NIPSNAP1: variants seen among roughly 807,000 people sequenced by gnomAD.
NIPSNAP1 encodes protein NipSnap homolog 1.
In NIPSNAP1, 25 loss-of-function variants were observed where a neutral mutation model predicts 49.2. The ratio of observed to expected loss-of-function variants is 0.51; its 90% CI spans 0.37 to 0.71. NIPSNAP1 has a LOEUF of 0.71. Among genes scored for constraint, NIPSNAP1 ranks in the 30% least tolerant of loss-of-function variants. The pLI is 0.00. For synonymous variants in NIPSNAP1, 143 were observed against 140.7 expected (o/e 1.02, Z -0.12); for missense variants, 294 against 361.0 (o/e 0.81, Z 1.50).
rs559951116 is a variant in NIPSNAP1, at chr22:29,578,998, T to C, written c.98+1987A>G. On this transcript the variant is annotated intron_variant, in intron 1 of 9. Transcript: ENST00000216121. ...CATTATGTGGGTCACATGCAGAAAT[T>C]GCTTGAAACATAGGCTAGGGGTTAA... Among the ~76,000 whole-genome samples the C allele has an allele frequency of 5.3e-5, 8 of 151,428 alleles. 1 individual carries two copies. The highest frequency in any genetic ancestry group is 2.0e-4 in the African/African-American group (8 of 40,734).
At chr22:29,556,046 A>G in intron 9 of NIPSNAP1, 47 bp from the exon 10 acceptor site, 2 of 1,516,416 alleles carry the variant, frequency 1.3e-6, no homozygotes, top group Non-Finnish European at 1.8e-6. Context: ...CAAGCAAGCC[A>G]ACAACCTCCC....
intron 4 of NIPSNAP1, among the ~76,000 whole-genome samples, chr22:29,562,821 C>T (rs571795262): frequency 7.2e-5 from 11 of 152,192 alleles, no homozygotes; most frequent in African/African-American, 2.2e-4. Flanking sequence ...AATCCTGGGC[C>T]GGGCACGGTG....
chr22:29,561,189 A>C lies in NIPSNAP1; in HGVS notation c.593T>G (p.Ile198Ser). The C allele has an allele frequency of 1.2e-6, 2 of 1,613,544 alleles. No individual in the cohort carries two copies. Among genetic ancestry groups the C allele is most frequent in the Non-Finnish European group, 1.7e-6 (2 of 1,179,764 alleles). The part of the protein sequence containing the change: ...RTYKLKPGTM[I>S]EWGNNWARAI... ...CACTTACCAGTTGTTCCCCCACTCG[A>C]TCATGGTTCCTGGCTGAAAGAGAAC... is the stretch of plus-strand genomic sequence containing the variant. The change falls in exon 7 of 10, where the codon ATC becomes AGC. Residue 198 changes from isoleucine (I) to serine (S), a missense_variant. By Grantham distance (142) the Ile-to-Ser change is moderately radical. This residue lies in a region of NIPSNAP1 where 146 missense variants were observed against 219.9 expected (regional missense o/e 0.66). Coordinates refer to ENST00000216121, the MANE Select transcript of NIPSNAP1 (RefSeq NM_003634.4).
intron 6 of NIPSNAP1, 133 bp downstream of exon 6, chr22:29,561,373 G>T: frequency 6.9e-7 from 1 of 1,453,472 alleles, no homozygotes; most frequent in Non-Finnish European, 9.6e-7. Flanking sequence ...TTGCACACAT[G>T]TGTATACAAC....
At position 29,555,892 on chromosome 22, in the gene NIPSNAP1, T is replaced by C; in HGVS notation, c.*43A>G. The stretch of plus-strand genomic sequence containing the variant: ...CCAGGAGTGCCACTGTCTGTCGGGG[T>C]TGCCTGAGGGAGAAGGGGAAGGAGG... On this transcript the variant is annotated 3_prime_UTR_variant, in exon 10 of 10. Transcript: ENST00000216121. The C allele has an allele frequency of 6.5e-7, 1 of 1,533,848 alleles. No individual in the cohort carries two copies. Among genetic ancestry groups the C allele is most frequent in the Non-Finnish European group, 8.8e-7 (1 of 1,130,878 alleles).
chr22:29,580,129 A>G, intron 1 of NIPSNAP1: 1 of 1,304,176 alleles, frequency 7.7e-7, no homozygotes, highest in Non-Finnish European at 1.0e-6. Flanking sequence ...GACCATACAC[A>G]GTCCTGAGCC....
At chr22:29,567,662 G>T (rs2064377054) in intron 4 of NIPSNAP1, among the ~76,000 whole-genome samples, 1 of 151,890 alleles carries the variant, frequency 6.6e-6, no homozygotes, top group Admixed American at 6.6e-5. Context: ...AGACCACCCT[G>T]GGTAACATAG....
At chr22:29,576,559 A>C (rs944548698) in intron 1 of NIPSNAP1, among the ~76,000 whole-genome samples, 4 of 151,332 alleles carry the variant, frequency 2.6e-5, no homozygotes, top group Non-Finnish European at 5.9e-5. Flanking sequence ...CAAGTTTGAG[A>C]AATGAATGAA....
intron 1 of NIPSNAP1, 149 bp downstream of exon 1, chr22:29,580,836 A>C: frequency 1.6e-6 from 1 of 636,162 alleles, no homozygotes. Context: ...TTCTTTGCCC[A>C]GACCCCTCCC....
chr22:29,564,541 G>A (rs899276132), intron 4 of NIPSNAP1, among the ~76,000 whole-genome samples: 34 of 152,100 alleles, frequency 2.2e-4, no homozygotes, highest in Non-Finnish European at 3.4e-4. Flanking sequence ...TGCCTCCCAA[G>A]TAGCTGGGAT....
chr22:29,559,269 G>A (rs575553281), intron 8 of NIPSNAP1, among the ~76,000 whole-genome samples: 29 of 152,240 alleles, frequency 1.9e-4, no homozygotes, highest in Non-Finnish European at 2.8e-4. Flanking sequence ...GGCTAGGTGC[G>A]GTGGCTCATG....
chr22:29,561,263 G>T, intron 6 of NIPSNAP1, 61 bp from the exon 7 acceptor site: 1 of 1,595,922 alleles, frequency 6.3e-7, no homozygotes, highest in Non-Finnish European at 8.6e-7. Flanking sequence ...TAGCATCACA[G>T]CTTGGCAAGG....
At chr22:29,580,924 C>G in intron 1 of NIPSNAP1, 61 bp downstream of exon 1, 1 of 1,362,190 alleles carries the variant, frequency 7.3e-7, no homozygotes, top group Non-Finnish European at 9.8e-7. Context: ...GACCCAGTCC[C>G]TGGCCCCCGC....
chr22:29,562,044 C>A (rs1321859158), intron 4 of NIPSNAP1, among the ~76,000 whole-genome samples, 182 bp from the exon 5 acceptor site: 1 of 152,118 alleles, frequency 6.6e-6, no homozygotes, highest in African/African-American at 2.4e-5. Flanking sequence ...TGACCCTAGA[C>A]ACAAGTCTAG....
chr22:29,561,674 T>C, intron 5 of NIPSNAP1, 28 bp from the exon 6 acceptor site: 2 of 1,614,138 alleles, frequency 1.2e-6, no homozygotes, highest in Non-Finnish European at 1.7e-6. Context: ...AAGGCATGGC[T>C]ACCAGGAAGT....
intron 4 of NIPSNAP1, among the ~76,000 whole-genome samples, chr22:29,565,924 C>T (rs557772211): frequency 4.6e-5 from 7 of 152,276 alleles, no homozygotes; most frequent in East Asian, 1.9e-4. Context: ...TTCAAAGACA[C>T]GATTATCAGG....
intron 8 of NIPSNAP1, among the ~76,000 whole-genome samples, chr22:29,560,157 A>C (rs565760442): frequency 8.6e-5 from 13 of 151,784 alleles, no homozygotes; most frequent in Non-Finnish European, 1.9e-4. Context: ...CTCTCAGCTT[A>C]CATTTTACTT....
intron 1 of NIPSNAP1, chr22:29,580,268 G>C (rs2064487841): frequency 2.4e-6 from 3 of 1,269,006 alleles, no homozygotes; most frequent in Middle Eastern, 2.2e-4. Context: ...AGGGCTGTGG[G>C]GACCAAGGAG....
intron 9 of NIPSNAP1, among the ~76,000 whole-genome samples, chr22:29,556,354 C>T (rs1306616305): frequency 5.9e-5 from 9 of 152,050 alleles, no homozygotes; most frequent in Non-Finnish European, 1.3e-4. Flanking sequence ...GAGAAACCCT[C>T]TCTCTACTAA....
Sources: gnomAD v4.1 joint callset for allele counts (sites outside exome capture counted in the v4.1 genomes callset) on GRCh38, gnomAD v4.1.1 for gene constraint, gnomAD v4.1.1 regional missense constraint, MANE v1.5 for transcripts, NCBI Gene and HGNC (gene_info 2026-07-23, HGNC 2026-07-21) for gene names.